ANKH: variants seen among roughly 807,000 people sequenced by gnomAD.
ANKH encodes the protein mineralization regulator ANKH.
ANKH carries 15 observed loss-of-function variants against 49.0 expected under a neutral mutation model. The observed-to-expected ratio is 0.31, with a 90% CI of 0.20 to 0.47. The LOEUF (loss-of-function observed/expected upper bound fraction) is 0.47, where lower values mean the gene tolerates loss of function less well. ANKH is among the 20% of genes least tolerant of loss of function. The probability of loss-of-function intolerance (pLI) is 1.00; values close to 1 mark genes in which losing one functional copy is unlikely to be tolerated. For missense variants in ANKH, 429 were observed against 652.0 expected (o/e 0.66, Z 3.72); for synonymous variants, 273 against 260.0 (o/e 1.05, Z -0.48).
chr5:14,767,539 A>T (rs2043106717), intron 2 of ANKH, among the ~76,000 whole-genome samples: 1 of 152,176 alleles, frequency 6.6e-6, no homozygotes, highest in South Asian at 2.1e-4. Flanking sequence ...CTAAAATGAC[A>T]TTGATTTTTA....
At chr5:14,780,936 T>G (rs549413619) in intron 1 of ANKH, among the ~76,000 whole-genome samples, 19 of 152,320 alleles carry the variant, frequency 1.2e-4, no homozygotes, top group Middle Eastern at 3.4e-3. Context: ...CCTTACACCC[T>G]AAGTCGTCAG....
At chr5:14,804,667 T>C (rs1440975727) in intron 1 of ANKH, among the ~76,000 whole-genome samples, 1 of 152,220 alleles carries the variant, frequency 6.6e-6, no homozygotes, top group Admixed American at 6.5e-5. Context: ...TGCTGACTTC[T>C]CTAATTAAGG....
chr5:14,854,016 C>T (rs1234378741), intron 1 of ANKH, among the ~76,000 whole-genome samples: 1 of 152,210 alleles, frequency 6.6e-6, no homozygotes, highest in East Asian at 1.9e-4. Flanking sequence ...GAGAAATTTG[C>T]ATCCTCCAAA....
chr5:14,845,364 ATATTTTT>A (rs1561081215), intron 1 of ANKH, among the ~76,000 whole-genome samples: 2 of 20,264 alleles, frequency 9.9e-5, no homozygotes, highest in South Asian at 4.5e-3. Flanking sequence ...ATATATATAT[ATATTTTT>A]TTTTTTACCT....
chr5:14,755,884 A>G lies in ANKH; in HGVS notation c.493T>C (p.Ser165Pro). The G allele has an allele frequency of 6.2e-7, 1 of 1,614,048 alleles. No homozygotes were observed. The highest frequency in any genetic ancestry group is 8.5e-7 in the Non-Finnish European group (1 of 1,179,906). The part of the protein sequence containing the change: ...HKYSFLVGCA[S>P]ISDVIAQVVF... ...ACCTGAGCTATGACATCTGAGATTG[A>G]GGCACATCCCACCAGGAAACTGTAT... is the stretch of plus-strand genomic sequence containing the variant. The change falls in exon 4 of 12, where the codon TCA becomes CCA. Residue 165 changes from serine to proline, a missense_variant. This residue lies in a region of ANKH where 378 missense variants were observed against 615.3 expected (regional missense o/e 0.61). Coordinates refer to ENST00000284268, the MANE Select transcript of ANKH (RefSeq NM_054027.6).
At chr5:14,741,118 TA>T (rs1271182266) in intron 8 of ANKH, among the ~76,000 whole-genome samples, 1 of 152,234 alleles carries the variant, frequency 6.6e-6, no homozygotes, top group Non-Finnish European at 1.5e-5. Context: ...ATAAACGCTC[TA>T]AAAAAACCTT....
intron 1 of ANKH, among the ~76,000 whole-genome samples, chr5:14,857,957 A>C (rs890489644): frequency 4.6e-5 from 7 of 152,208 alleles, no homozygotes; most frequent in Non-Finnish European, 8.8e-5. Context: ...CGGTAATATT[A>C]ATCCAAAGAA....
intron 2 of ANKH, among the ~76,000 whole-genome samples, chr5:14,763,161 C>T (rs73048882): frequency 0.067 from 10,253 of 152,274 alleles, 1,125 homozygotes; most frequent in African/African-American, 0.23. Context: ...TAAGTCTACA[C>T]ACATTTTTCC....
intron 1 of ANKH, among the ~76,000 whole-genome samples, chr5:14,858,734 T>C (rs147666525): frequency 0.018 from 1,506 of 81,468 alleles, 14 homozygotes; most frequent in Non-Finnish European, 0.022. Context: ...AATAAATAAA[T>C]AAATAAATAA....
At chr5:14,845,158 G>T (rs1354112793) in intron 1 of ANKH, among the ~76,000 whole-genome samples, 2 of 151,664 alleles carry the variant, frequency 1.3e-5, no homozygotes, top group Non-Finnish European at 2.9e-5. Context: ...CCTCTATTTT[G>T]TTATTCTGGC....
chr5:14,764,593 G>T (rs1016375959), intron 2 of ANKH, among the ~76,000 whole-genome samples: 7 of 152,328 alleles, frequency 4.6e-5, no homozygotes, highest in Non-Finnish European at 8.8e-5. Flanking sequence ...ATAAATGCTT[G>T]TGTTTTGAGC....
intron 1 of ANKH, among the ~76,000 whole-genome samples, chr5:14,828,623 C>T (rs1741417808): frequency 6.6e-6 from 1 of 152,070 alleles, no homozygotes; most frequent in African/African-American, 2.4e-5. Flanking sequence ...GTTCTTTACG[C>T]CTATACCATG....
In ANKH at chr5:14,755,061, C is replaced by CAAAAA. The variant is rs71603737; in HGVS notation, c.516+795_516+799dup. On this transcript the variant is annotated intron_variant, in intron 4 of 11. Coordinates refer to ENST00000284268, the MANE Select transcript of ANKH (RefSeq NM_054027.6). ...ATTCGACAAGAGCGAAACTCTGTCT[C>CAAAAA]AAAAAAAAAAAAAAAAAGACATGAG... is the stretch of plus-strand genomic sequence containing the variant. Among the ~76,000 whole-genome samples, 343 of 90,746 alleles carry CAAAAA rather than the reference C, an allele frequency of 3.8e-3. 9 individuals are homozygous for CAAAAA. Among genetic ancestry groups the CAAAAA allele is most frequent in the African/African-American group, 9.9e-3 (290 of 29,194 alleles). 59.5% of individuals were successfully genotyped at this position (90,746 alleles called of 152,430 possible).
chr5:14,741,838 G>C lies in ANKH; in HGVS notation c.1000C>G (p.Leu334Val), dbSNP rs199961741. The change falls in exon 8 of 12, where the codon CTG (leucine) becomes GTG (valine). Residue 334 changes from leucine to valine, a missense_variant. Leu to Val is a conservative substitution (Grantham distance 32). Around this residue, in one of 2 missense-constraint regions of ANKH, gnomAD observed 378 missense variants for 615.3 expected, o/e 0.61. Coordinates refer to ENST00000284268, the MANE Select transcript of ANKH (RefSeq NM_054027.6). ...GCCTCTGTCCTTACCGTGAGTGACA[G>C]AGCCATGCAGACGAAGGTGAACTTC... is the stretch of plus-strand genomic sequence containing the variant. Reference protein sequence around the residue: ...IKKFTFVCMALSLTLCFVMFW... With the variant: ...IKKFTFVCMAVSLTLCFVMFW... 61 of 1,613,826 alleles carry C rather than the reference G, an allele frequency of 3.8e-5. No individual in the cohort carries two copies. Among genetic ancestry groups the C allele is most frequent in the Admixed American group, 6.7e-5 (4 of 60,000 alleles).
intron 11 of ANKH, among the ~76,000 whole-genome samples, 196 bp from the exon 12 acceptor site, chr5:14,711,506 C>CTGTGT (rs1352265532): frequency 6.6e-6 from 1 of 152,068 alleles, no homozygotes; most frequent in African/African-American, 2.4e-5. Flanking sequence ...TGTGTGCCTG[C>CTGTGT]TGTGTGCCTG....
chr5:14,744,700 T>TG (rs952928856), intron 7 of ANKH, among the ~76,000 whole-genome samples: 2 of 152,158 alleles, frequency 1.3e-5, no homozygotes, highest in Non-Finnish European at 1.5e-5. Context: ...CAGAGATGCC[T>TG]GGGGGGATGC....
chr5:14,862,716 C>A (rs1477353913), intron 1 of ANKH, among the ~76,000 whole-genome samples: 2 of 152,196 alleles, frequency 1.3e-5, no homozygotes, highest in African/African-American at 4.8e-5. Context: ...ACATTTTGCT[C>A]TGTGCTGCTC....
chr5:14,807,857 G>A (rs1022754855), intron 1 of ANKH, among the ~76,000 whole-genome samples: 10 of 152,266 alleles, frequency 6.6e-5, no homozygotes, highest in Non-Finnish European at 4.4e-5. Flanking sequence ...GGTCGGGGGG[G>A]TTACTTGAAT....
chr5:14,743,470 T>C (rs1364508727), intron 7 of ANKH, among the ~76,000 whole-genome samples: 1 of 152,240 alleles, frequency 6.6e-6, no homozygotes, highest in Non-Finnish European at 1.5e-5. Context: ...TTCAGTTTGT[T>C]TGCCCAATTG....
Sources: allele counts gnomAD v4.1 joint callset (sites outside exome capture counted in the v4.1 genomes callset), GRCh38; gene constraint gnomAD v4.1.1; regional missense constraint gnomAD v4.1.1; transcripts MANE v1.5; gene names NCBI Gene and HGNC (gene_info 2026-07-23, HGNC 2026-07-21).